The following NREP variants were observed in gnomAD, a reference collection of about 807,000 sequenced individuals.
NREP encodes the protein neuronal regeneration related protein, also known as neuronal regeneration-related protein.
NREP carries 5 observed loss-of-function variants against 8.6 expected under a neutral mutation model. The ratio of observed to expected loss-of-function variants is 0.58; its 90% CI spans 0.30 to 1.22. NREP has a LOEUF of 1.22. NREP is among the 50% of genes most tolerant of loss of function. The probability of loss-of-function intolerance (pLI) is 0.07; values close to 1 mark genes in which losing one functional copy is unlikely to be tolerated. For missense variants in NREP, 86 were observed against 82.5 expected (o/e 1.04, Z -0.17); for synonymous variants, 27 against 28.0 (o/e 0.96, Z 0.11).
At chr5:111,908,189 A>G (rs1392149126) in intron 2 of NREP, among the ~76,000 whole-genome samples, 1 of 152,032 alleles carries the variant, frequency 6.6e-6, no homozygotes, top group African/African-American at 2.4e-5. Flanking sequence ...TAGTTTCTTT[A>G]TAATGCTGGA....
intron 2 of NREP, among the ~76,000 whole-genome samples, chr5:111,745,800 T>C (rs32262): frequency 0.31 from 47,617 of 151,994 alleles, 9,298 homozygotes; most frequent in South Asian, 0.47. Context: ...AGAGAGGCAG[T>C]ATATAAACTA....
chr5:111,844,898 TTGATA>T (rs1407000968), intron 2 of NREP, among the ~76,000 whole-genome samples: 5 of 151,514 alleles, frequency 3.3e-5, no homozygotes, highest in Admixed American at 6.6e-5. Context: ...AACCTAGTGA[TTGATA>T]TATTTATCTA....
chr5:111,792,837 T>C (rs1203671238), intron 2 of NREP, among the ~76,000 whole-genome samples: 2 of 152,230 alleles, frequency 1.3e-5, no homozygotes, highest in Admixed American at 6.5e-5. Flanking sequence ...ATGTGTGTCA[T>C]TTAAAATGTG....
intron 2 of NREP, among the ~76,000 whole-genome samples, chr5:111,822,668 C>CT (rs1752537099): frequency 6.6e-6 from 1 of 152,186 alleles, no homozygotes; most frequent in African/African-American, 2.4e-5. Flanking sequence ...TTCTCCATAA[C>CT]TTTCATGGAT....
At chr5:111,859,472 T>C (rs1212347793) in intron 2 of NREP, among the ~76,000 whole-genome samples, 1 of 152,124 alleles carries the variant, frequency 6.6e-6, no homozygotes, top group Non-Finnish European at 1.5e-5. Context: ...AGGGCAGCTC[T>C]GTCCCATAAG....
intron 2 of NREP, among the ~76,000 whole-genome samples, chr5:111,780,838 C>T (rs1002135921): frequency 3.9e-5 from 6 of 152,080 alleles, no homozygotes; most frequent in Non-Finnish European, 4.4e-5. Context: ...GCTCTTTTTC[C>T]AATGTGAAGT....
At chr5:111,766,080 T>A (rs559840491) in intron 2 of NREP, among the ~76,000 whole-genome samples, 1 of 152,226 alleles carries the variant, frequency 6.6e-6, no homozygotes, top group East Asian at 1.9e-4. Context: ...ATTATTACAG[T>A]TCCTTTTAAA....
At chr5:111,957,159 A>C (rs1756347938) in intron 2 of NREP, among the ~76,000 whole-genome samples, 1 of 151,508 alleles carries the variant, frequency 6.6e-6, no homozygotes, top group African/African-American at 2.4e-5. Context: ...AAAGAAAGAA[A>C]GAGCAAAAGA....
intron 2 of NREP, among the ~76,000 whole-genome samples, chr5:111,891,297 G>T (rs1754389036): frequency 1.3e-5 from 2 of 152,146 alleles, no homozygotes; most frequent in South Asian, 4.1e-4. Flanking sequence ...TTCCAAATAA[G>T]TTTCTGATTT....
At chr5:111,826,896 G>A (rs116279345) in intron 2 of NREP, among the ~76,000 whole-genome samples, 238 of 152,200 alleles carry the variant, frequency 1.6e-3, no homozygotes, top group Non-Finnish European at 2.5e-3. Context: ...AAAGAGGGTT[G>A]GAATGGGTAT....
chr5:111,922,782 C>A (rs1356186952), intron 2 of NREP, among the ~76,000 whole-genome samples: 1 of 152,114 alleles, frequency 6.6e-6, no homozygotes, highest in African/African-American at 2.4e-5. Context: ...CTGCAACCAT[C>A]CTGATGGCTG....
chr5:111,975,427 T>A, intron 1 of NREP: 1 of 1,303,392 alleles, frequency 7.7e-7, no homozygotes, highest in Non-Finnish European at 1.1e-6. Context: ...CCCCCCTGAG[T>A]GCCACAACTC....
intron 2 of NREP, among the ~76,000 whole-genome samples, chr5:111,914,363 A>T (rs184779126): frequency 4.6e-5 from 7 of 152,248 alleles, no homozygotes; most frequent in Non-Finnish European, 1.0e-4. Context: ...TTGCCCTCAC[A>T]TGCTTATACT....
rs187146186 is a variant in NREP, at chr5:111,872,478, C to T, written c.135+102796G>A. 8.0e-3 allele frequency among the ~76,000 whole-genome samples: 1,219 copies of T among 152,260 alleles called. 14 individuals are homozygous for T. Among genetic ancestry groups the T allele is most frequent in the Middle Eastern group, 0.014 (4 of 294 alleles). ...TATCTGGATATCCTCATGGTCCAGTCAAGTTGCCACATAAAATTAATCATC... is the reference window on the plus strand; with the variant it reads ...TATCTGGATATCCTCATGGTCCAGTTAAGTTGCCACATAAAATTAATCATC... On this transcript the variant is annotated intron_variant, in intron 2 of 3. Transcript: ENST00000395634.
chr5:111,739,844 C>A (rs1162059531), intron 2 of NREP: 1 of 152,106 alleles, frequency 6.6e-6, no homozygotes, highest in African/African-American at 2.4e-5. Context: ...TTAATCTTCA[C>A]AAAAAGTATG....
At chr5:111,745,164 A>G (rs1008653466) in intron 2 of NREP, among the ~76,000 whole-genome samples, 2 of 152,170 alleles carry the variant, frequency 1.3e-5, no homozygotes, top group Non-Finnish European at 2.9e-5. Context: ...CCAAATATAT[A>G]TAAAGCGCTG....
At chr5:111,864,186 A>G (rs1277540821) in intron 2 of NREP, among the ~76,000 whole-genome samples, 1 of 152,182 alleles carries the variant, frequency 6.6e-6, no homozygotes, top group East Asian at 1.9e-4. Flanking sequence ...AGCACAAAAG[A>G]TTGGATTTAA....
intron 2 of NREP, among the ~76,000 whole-genome samples, chr5:111,767,970 T>G (rs777543040): frequency 6.6e-5 from 10 of 152,190 alleles, no homozygotes; most frequent in Non-Finnish European, 1.0e-4. Flanking sequence ...TAGCCTGTAG[T>G]ACATGTTTAA....
intron 2 of NREP, among the ~76,000 whole-genome samples, chr5:111,765,095 T>G (rs1751049459): frequency 6.6e-6 from 1 of 152,190 alleles, no homozygotes; most frequent in African/African-American, 2.4e-5. Flanking sequence ...ACTGGTTTCC[T>G]GGAAGACAAT....
Sources: allele counts gnomAD v4.1 joint callset (sites outside exome capture counted in the v4.1 genomes callset), GRCh38; gene constraint gnomAD v4.1.1; transcripts MANE v1.5; gene names NCBI Gene and HGNC (gene_info 2026-07-23, HGNC 2026-07-21).